The following NAA60 variants were observed in gnomAD, a reference collection of about 807,000 sequenced individuals.
NAA60 encodes the protein N-alpha-acetyltransferase 60, NatF catalytic subunit.
NAA60 carries 8 observed loss-of-function variants against 26.1 expected under a neutral mutation model. The ratio of observed to expected loss-of-function variants is 0.31; its 90% CI spans 0.18 to 0.55. The LOEUF (loss-of-function observed/expected upper bound fraction) is 0.55, where lower values mean the gene tolerates loss of function less well. NAA60 is among the 20% of genes least tolerant of loss of function. The probability of loss-of-function intolerance (pLI) is 0.93; values close to 1 mark genes in which losing one functional copy is unlikely to be tolerated. For synonymous variants in NAA60, 131 were observed against 122.5 expected, an observed-to-expected ratio of 1.07 and a Z score of -0.46; for missense variants, 290 against 311.3, an observed-to-expected ratio of 0.93 and a Z score of 0.51.
chr16:3,475,728 A>G (rs901386810), intron 2 of NAA60, among the ~76,000 whole-genome samples: 2 of 152,204 alleles, frequency 1.3e-5, no homozygotes, highest in African/African-American at 4.8e-5. Context: ...CGCCCTGGTC[A>G]TAAAGCCGCA....
At chr16:3,478,778 C>CT (rs1225484106) in intron 3 of NAA60, among the ~76,000 whole-genome samples, 1 of 152,128 alleles carries the variant, frequency 6.6e-6, no homozygotes, top group Non-Finnish European at 1.5e-5. Context: ...CTCCACTCCC[C>CT]TAGTCTTCAG....
intron 2 of NAA60, among the ~76,000 whole-genome samples, chr16:3,470,893 C>G (rs1690449): frequency 0.45 from 68,281 of 152,152 alleles, 17,901 homozygotes; most frequent in African/African-American, 0.74. Flanking sequence ...TTCTCTGCCC[C>G]TCAGTTGGGC....
At chr16:3,470,268 G>C (rs558231675) in intron 2 of NAA60, among the ~76,000 whole-genome samples, 5 of 152,308 alleles carry the variant, frequency 3.3e-5, no homozygotes, top group South Asian at 4.1e-4. Flanking sequence ...TGGGGGAGCA[G>C]CTTCCCACCA....
intron 2 of NAA60, among the ~76,000 whole-genome samples, chr16:3,449,585 T>G (rs1268662455): frequency 6.6e-6 from 1 of 152,106 alleles, no homozygotes; most frequent in Admixed American, 6.5e-5. Context: ...CTCGGGAGGC[T>G]AAGGAAGAAG....
At chr16:3,464,272 C>T (rs537194843) in intron 2 of NAA60, among the ~76,000 whole-genome samples, 1 of 152,302 alleles carries the variant, frequency 6.6e-6, no homozygotes, top group South Asian at 2.1e-4. Flanking sequence ...CTCGGCCTCC[C>T]AAAGTGCTGG....
chr16:3,457,790 G>A (rs1348851252), intron 2 of NAA60, among the ~76,000 whole-genome samples: 2 of 152,156 alleles, frequency 1.3e-5, no homozygotes, highest in African/African-American at 2.4e-5. Context: ...AGGCCGGGGA[G>A]CCCAGAGGTC....
chr16:3,458,813 C>T (rs1420844465), intron 2 of NAA60, among the ~76,000 whole-genome samples: 1 of 152,208 alleles, frequency 6.6e-6, no homozygotes, highest in Admixed American at 6.5e-5. Context: ...CCCCCAGCTC[C>T]GACTTTCTTC....
intron 7 of NAA60, 124 bp from the exon 8 acceptor site, chr16:3,485,343 C>T: frequency 2.1e-6 from 1 of 486,546 alleles, no homozygotes; most frequent in Non-Finnish European, 4.0e-6. Context: ...GACACCATGG[C>T]CTGGAGAAGG....
At chr16:3,444,504 A>C (rs1027849127) in intron 1 of NAA60, among the ~76,000 whole-genome samples, 32 of 152,252 alleles carry the variant, frequency 2.1e-4, no homozygotes, top group African/African-American at 7.7e-4. Context: ...GAAAAGTCTC[A>C]ACATATTTCC....
chr16:3,458,773 C>T (rs926201651), intron 2 of NAA60, among the ~76,000 whole-genome samples: 4 of 152,166 alleles, frequency 2.6e-5, no homozygotes, highest in Non-Finnish European at 5.9e-5. Context: ...CGTTCCTGGC[C>T]CTTTACAGAC....
At chr16:3,456,606 T>G (rs2035007490) in intron 2 of NAA60, 4 of 152,230 alleles carry the variant, frequency 2.6e-5, no homozygotes. Flanking sequence ...GGTGAAACTT[T>G]TGGCACATAG....
Position 3,484,878 on chromosome 16 carries a change from A to G in NAA60, c.*23A>G, listed in dbSNP as rs1435147084. On this transcript the variant is annotated 3_prime_UTR_variant, in exon 7 of 8. Transcript: ENST00000407558. ...TGATGTCGGCTGGGCAGCCGCCACC[A>G]GGCCCCACCCTTCGGCCGCCCGCAG... 1 of 1,552,396 alleles carries G rather than the reference A, an allele frequency of 6.4e-7. No homozygotes were observed. The highest frequency in any genetic ancestry group is 8.7e-7 in the Non-Finnish European group (1 of 1,148,322).
Position 3,485,036 on chromosome 16 carries a change from G to T in NAA60, c.*181G>T, listed in dbSNP as rs2037080678. 6.6e-7 allele frequency: 1 copy of T among 1,514,770 alleles called. No individual in the cohort carries two copies. The allele number at this position is 1,514,770 out of a possible 1,614,324, so 93.8% of individuals were successfully genotyped here. On this transcript the variant is annotated 3_prime_UTR_variant, in exon 7 of 8. Coordinates refer to ENST00000407558, the MANE Select transcript of NAA60 (RefSeq NM_001083601.3). The stretch of plus-strand genomic sequence containing the variant: ...CTCGGGAACAGAACATCGTGGGCAT[G>T]CGCAGAGCATGCCCATCCGTGGCAG...
intron 2 of NAA60, among the ~76,000 whole-genome samples, chr16:3,472,917 T>G (rs185707474): frequency 6.6e-6 from 1 of 152,368 alleles, no homozygotes; most frequent in Non-Finnish European, 1.5e-5. Context: ...ATGGACTTTT[T>G]GTACATAACC....
intron 2 of NAA60, among the ~76,000 whole-genome samples, chr16:3,469,603 C>A (rs1390648500): frequency 7.9e-6 from 1 of 126,714 alleles, no homozygotes; most frequent in African/African-American, 2.8e-5. Flanking sequence ...CTTTGCCTTG[C>A]TGCTCCGCAC....
In NAA60 at chr16:3,485,520, TG is replaced by T. The variant is rs1288962940; in HGVS notation, c.*261del. 4.4e-5 allele frequency: 20 copies of T among 455,574 alleles called. No homozygotes were observed. Among genetic ancestry groups the T allele is most frequent in the Non-Finnish European group, 8.4e-5 (19 of 226,476 alleles). The allele number at this position is 455,574 out of a possible 1,614,324, so 28.2% of individuals were successfully genotyped here. On this transcript the variant is annotated 3_prime_UTR_variant, in exon 8 of 8. Transcript: ENST00000407558. ...AAACCTCTGCCTGCTGCCCTGGCCC[TG>T]CCCCCCTGCGCATGCACCGTCCCCA...
At chr16:3,480,505 G>A (rs1401699975) in intron 4 of NAA60, among the ~76,000 whole-genome samples, 1 of 151,786 alleles carries the variant, frequency 6.6e-6, no homozygotes, top group Admixed American at 6.6e-5. Flanking sequence ...GCTGAGGCAG[G>A]AGAATCGCTT....
chr16:3,470,272 C>A (rs1456817505), intron 2 of NAA60, among the ~76,000 whole-genome samples: 1 of 152,198 alleles, frequency 6.6e-6, no homozygotes, highest in Non-Finnish European at 1.5e-5. Flanking sequence ...GGAGCAGCTT[C>A]CCACCAGGCC....
chr16:3,469,210 G>A (rs572442426), intron 2 of NAA60, among the ~76,000 whole-genome samples: 6 of 152,364 alleles, frequency 3.9e-5, no homozygotes, highest in African/African-American at 1.2e-4. Flanking sequence ...TTGGGCAACT[G>A]TGACTTTAGT....
Sources: allele counts gnomAD v4.1 joint callset (sites outside exome capture counted in the v4.1 genomes callset), GRCh38; gene constraint gnomAD v4.1.1; transcripts MANE v1.5; gene names NCBI Gene and HGNC (gene_info 2026-07-23, HGNC 2026-07-21).